NUDT7: variants seen among roughly 807,000 people sequenced by gnomAD.
NUDT7 encodes the protein peroxisomal coenzyme A diphosphatase NUDT7.
NUDT7 carries 19 observed loss-of-function variants against 13.1 expected under a neutral mutation model. That is an observed-to-expected ratio of 1.45 (90% CI 1.01 to 2.13). The LOEUF is 2.13. Ranked by LOEUF, NUDT7 falls within the 30% of genes most tolerant of loss-of-function variation. The pLI, the probability that NUDT7 is intolerant of heterozygous loss-of-function variation, is 0.00. For synonymous variants in NUDT7, 132 were observed against 109.7 expected (o/e 1.20, Z -1.27); for missense variants, 360 against 291.7 (o/e 1.23, Z -1.71).
intron 2 of NUDT7, among the ~76,000 whole-genome samples, chr16:77,728,433 A>G (rs1017299022): frequency 2.0e-5 from 3 of 152,040 alleles, no homozygotes; most frequent in Non-Finnish European, 4.4e-5. Flanking sequence ...GAGTTTCACC[A>G]TGTTGGTTGG....
chr16:77,741,951 T>C lies in NUDT7; in HGVS notation c.*1T>C. 3.2e-6 allele frequency: 5 copies of C among 1,582,868 alleles called. No homozygotes were observed. Among genetic ancestry groups the C allele is most frequent in the Non-Finnish European group, 4.3e-6 (5 of 1,166,250 alleles). On this transcript the variant is annotated 3_prime_UTR_variant, in exon 4 of 4. Coordinates refer to ENST00000268533, the MANE Select transcript of NUDT7 (RefSeq NM_001105663.3). ...TAAAAAAGCTACAAGCAGGTTATGA[T>C]TTACTAGAGCAAGAGACAAAGAACT...
In NUDT7 at chr16:77,735,924, G is replaced by A. The variant is rs199863148; in HGVS notation, c.286G>A (p.Glu96Lys). ...CACAGCTCTCCGGGAAGCCCAGGAG[G>A]AAGTGGGTCTCCGTCCTCACCAAGT... ...AATALREAQEEVGLRPHQVEV... is the reference protein window; with the variant it reads ...AATALREAQEKVGLRPHQVEV... Residue 96 changes from glutamate (E) to lysine (K), a missense_variant, in exon 3 of 4, where the codon GAA (glutamate) becomes AAA (lysine). Physicochemically the swap from Glu to Lys is moderately conservative, Grantham distance 56. Transcript: ENST00000268533. 786 of 1,614,012 alleles carry A rather than the reference G, an allele frequency of 4.9e-4. 11 individuals are homozygous for A. The Middle Eastern group carries it at 7.3e-3, about 15-fold the overall frequency.
chr16:77,733,067 G>T (rs1480523418), intron 2 of NUDT7, among the ~76,000 whole-genome samples: 2 of 152,118 alleles, frequency 1.3e-5, no homozygotes, highest in African/African-American at 2.4e-5. Flanking sequence ...TAAGGATTTA[G>T]CTATGGCAGC....
At chr16:77,722,806 A>G (rs572709383) in intron 1 of NUDT7, among the ~76,000 whole-genome samples, 189 bp downstream of exon 1, 15 of 152,176 alleles carry the variant, frequency 9.9e-5, no homozygotes, top group Admixed American at 2.6e-4. Context: ...TGCTCTGGCC[A>G]GGAACAGAGC....
chr16:77,726,275 A>G (rs1275581045), intron 2 of NUDT7, among the ~76,000 whole-genome samples: 1 of 152,198 alleles, frequency 6.6e-6, no homozygotes, highest in Non-Finnish European at 1.5e-5. Flanking sequence ...ACTGCTTCAT[A>G]CAGCTGCTAT....
intron 2 of NUDT7, chr16:77,735,367 C>T (rs1242622986): frequency 3.7e-6 from 2 of 537,564 alleles, no homozygotes; most frequent in East Asian, 5.9e-5. Flanking sequence ...TAGCACCTCC[C>T]CTCCCTCTCT....
At chr16:77,733,758 A>G (rs2014391866) in intron 2 of NUDT7, among the ~76,000 whole-genome samples, 1 of 152,148 alleles carries the variant, frequency 6.6e-6, no homozygotes, top group African/African-American at 2.4e-5. Flanking sequence ...TCATTACCCC[A>G]TTGCACACAG....
intron 3 of NUDT7, among the ~76,000 whole-genome samples, chr16:77,736,412 A>G (rs897689997): frequency 6.6e-6 from 1 of 152,192 alleles, no homozygotes; most frequent in African/African-American, 2.4e-5. Context: ...TGCCGTAAGG[A>G]TATTCATTTT....
In NUDT7 at chr16:77,735,747, A is replaced by T. The variant is rs532491619; in HGVS notation, c.190-81A>T. ...AGAATGGTCTCTGGTACAAAATAGA[A>T]GTCCAGTAAGTATTTGTTGAATGCA... On this transcript the variant is annotated intron_variant, in intron 2 of 3. Coordinates refer to ENST00000268533, the MANE Select transcript of NUDT7 (RefSeq NM_001105663.3). 17 of 1,279,084 alleles carry T rather than the reference A, an allele frequency of 1.3e-5. No individual in the cohort carries two copies. The East Asian group carries it at 2.8e-4, about 21-fold the overall frequency. 79.2% of individuals were successfully genotyped at this position (1,279,084 alleles called of 1,614,324 possible). A position where few individuals can be genotyped will look rare whatever the true frequency, so the allele number is the denominator to read the frequency against.
Position 77,733,188 on chromosome 16 carries a change from A to G in NUDT7, c.190-2640A>G, listed in dbSNP as rs144885565. Among the ~76,000 whole-genome samples, 3 of 152,342 alleles carry G rather than the reference A, an allele frequency of 2.0e-5. 1 individual carries two copies. The highest frequency in any genetic ancestry group is 7.2e-5 in the African/African-American group (3 of 41,578). On this transcript the variant is annotated intron_variant, in intron 2 of 3. Coordinates refer to ENST00000268533, the MANE Select transcript of NUDT7 (RefSeq NM_001105663.3). ...AAAATATCAAAAAGTTTATCATGGC[A>G]TTGTCATAGTCCTCTCAAGCTGCTA...
Position 77,742,172 on chromosome 16 carries a change from A to C in NUDT7, c.*222A>C. ...TTCATAGTGTTGCATATTTTCACCCACAATATGTTAATAATATTTTTCTTA... is the reference window on the plus strand; with the variant it reads ...TTCATAGTGTTGCATATTTTCACCCCCAATATGTTAATAATATTTTTCTTA... On this transcript the variant is annotated 3_prime_UTR_variant, in exon 4 of 4. Transcript: ENST00000268533. 8.8e-7 allele frequency: 1 copy of C among 1,135,200 alleles called. No homozygotes were observed. The highest frequency in any genetic ancestry group is 1.1e-6 in the Non-Finnish European group (1 of 895,488). 70.3% of individuals were successfully genotyped at this position (1,135,200 alleles called of 1,614,324 possible).
At chr16:77,723,592 C>CTTTTTTTTTTTTTTT in intron 1 of NUDT7, among the ~76,000 whole-genome samples, 1 of 125,702 alleles carries the variant, frequency 8.0e-6, no homozygotes, top group Non-Finnish European at 1.6e-5. Flanking sequence ...TTTGTATACA[C>CTTTTTTTTTTTTTTT]TTTTTTTTTT....
chr16:77,733,337 G>T (rs1033672816), intron 2 of NUDT7, among the ~76,000 whole-genome samples: 9 of 152,192 alleles, frequency 5.9e-5, no homozygotes, highest in African/African-American at 1.9e-4. Context: ...CCCTGTTTCA[G>T]TTCATAGATA....
At chr16:77,731,202 A>G (rs939391691) in intron 2 of NUDT7, among the ~76,000 whole-genome samples, 3 of 152,318 alleles carry the variant, frequency 2.0e-5, no homozygotes, top group East Asian at 1.9e-4. Context: ...CTAATCCAAA[A>G]TGATCTTTTC....
intron 2 of NUDT7, among the ~76,000 whole-genome samples, chr16:77,729,577 G>A (rs1027201056): frequency 3.9e-5 from 6 of 152,088 alleles, no homozygotes; most frequent in African/African-American, 1.2e-4. Context: ...TGTAATCCCA[G>A]CATTTTGAGA....
At chr16:77,728,465 G>T (rs1197368804) in intron 2 of NUDT7, among the ~76,000 whole-genome samples, 2 of 152,130 alleles carry the variant, frequency 1.3e-5, no homozygotes, top group Admixed American at 6.5e-5. Context: ...TTGACCTCCT[G>T]ATCTCAGGTG....
chr16:77,727,501 A>C (rs7191256), intron 2 of NUDT7, among the ~76,000 whole-genome samples: 7 of 151,994 alleles, frequency 4.6e-5, no homozygotes, highest in Non-Finnish European at 7.4e-5. Flanking sequence ...CCAGGGGACC[A>C]GTGTCTGTTC....
intron 2 of NUDT7, among the ~76,000 whole-genome samples, chr16:77,731,042 C>A (rs150150167): frequency 6.6e-6 from 1 of 152,010 alleles, no homozygotes; most frequent in African/African-American, 2.4e-5. Context: ...TCTTTTCATT[C>A]TGTTGAGTGT....
intron 2 of NUDT7, among the ~76,000 whole-genome samples, chr16:77,727,744 T>C (rs527666741): frequency 6.6e-6 from 1 of 152,122 alleles, no homozygotes; most frequent in East Asian, 1.9e-4. Flanking sequence ...TAATCCCAGC[T>C]ACTGGGGAGG....
Sources: allele counts gnomAD v4.1 joint callset (sites outside exome capture counted in the v4.1 genomes callset), GRCh38; gene constraint gnomAD v4.1.1; transcripts MANE v1.5; gene names NCBI Gene and HGNC (gene_info 2026-07-23, HGNC 2026-07-21).